ARFGEF2: variants seen among roughly 807,000 people sequenced by gnomAD.
ARFGEF2 encodes ARF guanine nucleotide exchange factor 2, also known as brefeldin A-inhibited guanine nucleotide-exchange protein 2.
A neutral mutation model predicts 219.9 loss-of-function variants in ARFGEF2; 74 were observed. That is an observed-to-expected ratio of 0.34 (90% CI 0.28 to 0.41). The LOEUF (loss-of-function observed/expected upper bound fraction) is 0.41. Ranked by LOEUF, ARFGEF2 falls within the 10% of genes least tolerant of loss-of-function variation. The probability of loss-of-function intolerance (pLI) is 1.00; values close to 1 mark genes in which losing one functional copy is unlikely to be tolerated. For missense variants in ARFGEF2, 1,743 were observed against 2,218.3 expected (o/e 0.79, Z 4.30); for synonymous variants, 733 against 799.2 (o/e 0.92, Z 1.40).
At chr20:49,006,498 T>C (rs895786979) in intron 26 of ARFGEF2, among the ~76,000 whole-genome samples, 5 of 152,124 alleles carry the variant, frequency 3.3e-5, no homozygotes, top group African/African-American at 9.7e-5. Flanking sequence ...GTGGTGGTAA[T>C]GGGCTCTGAA....
intron 14 of ARFGEF2, among the ~76,000 whole-genome samples, chr20:48,982,550 A>G (rs2091302995): frequency 6.6e-6 from 1 of 152,190 alleles, no homozygotes; most frequent in Admixed American, 6.5e-5. Flanking sequence ...GGGATGTTTA[A>G]GTCTGCAGAA....
intron 33 of ARFGEF2, among the ~76,000 whole-genome samples, chr20:49,018,284 G>T (rs557312242): frequency 6.6e-6 from 1 of 152,224 alleles, no homozygotes; most frequent in East Asian, 1.9e-4. Context: ...CCAGGCTGGA[G>T]TGCAGCAGTG....
intron 14 of ARFGEF2, 130 bp downstream of exon 14, chr20:48,976,329 G>GA: frequency 8.9e-7 from 1 of 1,128,316 alleles, no homozygotes; most frequent in Non-Finnish European, 1.3e-6. Flanking sequence ...AGCTAAGCCT[G>GA]ATTGAGCCAG....
chr20:48,933,122 C>T (rs778195713), intron 1 of ARFGEF2, among the ~76,000 whole-genome samples: 5 of 152,170 alleles, frequency 3.3e-5, no homozygotes, highest in Admixed American at 6.5e-5. Context: ...GCAAAGACAG[C>T]GCGGCTTTTC....
Position 48,941,944 on chromosome 20 carries a change from C to T in ARFGEF2, c.233C>T (p.Ser78Phe). The T allele has an allele frequency of 6.2e-7, 1 of 1,614,178 alleles. No individual in the cohort carries two copies. The highest frequency in any genetic ancestry group is 1.1e-5 in the South Asian group (1 of 91,082). Residue 78 changes from serine to phenylalanine, a missense_variant, in exon 3 of 39, where the codon TCC (serine) becomes TTC (phenylalanine). Ser to Phe is a radical substitution (Grantham distance 155, BLOSUM62 -2). Around this residue, in one of 5 missense-constraint regions of ARFGEF2, gnomAD observed 394 missense variants for 426.6 expected, o/e 0.92. Coordinates refer to ENST00000371917, the MANE Select transcript of ARFGEF2 (RefSeq NM_006420.3). ...CTTCCATTCGAGCTAGCTTGCCAGTCCAAGTCCCCAAGGGTAGTCAGCACA... is the reference window on the plus strand; with the variant it reads ...CTTCCATTCGAGCTAGCTTGCCAGTTCAAGTCCCCAAGGGTAGTCAGCACA... Reference protein sequence around the residue: ...YFLPFELACQSKSPRVVSTSL... With the variant: ...YFLPFELACQFKSPRVVSTSL...
chr20:48,988,847 TGAG>T (rs1396936826), intron 18 of ARFGEF2, among the ~76,000 whole-genome samples, 185 bp downstream of exon 18: 2 of 152,248 alleles, frequency 1.3e-5, no homozygotes, highest in Non-Finnish European at 2.9e-5. Context: ...AGATTTCTGA[TGAG>T]GAGCAAGAAG....
In ARFGEF2 at chr20:48,973,128, G is replaced by A. The variant is rs543247648; in HGVS notation, c.1526-17G>A. ...TATTTGATCAGAATTTCTGATACTT[G>A]TATGTTATTTTCCAAGATGCCCAGT... is the stretch of plus-strand genomic sequence containing the variant. On this transcript the variant is annotated splice_polypyrimidine_tract_variant and intron_variant, in intron 11 of 38. Coordinates refer to ENST00000371917, the MANE Select transcript of ARFGEF2 (RefSeq NM_006420.3). 1.2e-6 allele frequency: 2 copies of A among 1,613,932 alleles called. No individual in the cohort carries two copies. The highest frequency in any genetic ancestry group is 1.1e-5 in the South Asian group (1 of 91,074).
intron 16 of ARFGEF2, among the ~76,000 whole-genome samples, chr20:48,988,093 A>G (rs2091336563): frequency 6.6e-6 from 1 of 152,178 alleles, no homozygotes; most frequent in African/African-American, 2.4e-5. Context: ...CTGCCAAAGA[A>G]GCTAAAATTT....
chr20:48,998,511 T>C lies in ARFGEF2; in HGVS notation c.3432+6T>C. 6.2e-7 allele frequency: 1 copy of C among 1,608,596 alleles called. No individual in the cohort carries two copies. The highest frequency in any genetic ancestry group is 8.5e-7 in the Non-Finnish European group (1 of 1,178,842). On this transcript the variant is annotated splice_donor_region_variant and intron_variant, in intron 25 of 38. Transcript: ENST00000371917. ...TTGGAGATCACTTCAATAAGGTAAC[T>C]CTTCAAATTTAAAAACCATTCCTGT...
At chr20:48,950,814 ATATATATATATATATATAT>A (rs2091065166) in intron 3 of ARFGEF2, among the ~76,000 whole-genome samples, 1 of 50,878 alleles carries the variant, frequency 2.0e-5, no homozygotes, top group Non-Finnish European at 3.4e-5. Context: ...AAAAAAAAAT[ATATATATATATATATATAT>A]ATATATATAT....
intron 8 of ARFGEF2, among the ~76,000 whole-genome samples, chr20:48,968,805 G>A (rs1233133121): frequency 6.6e-6 from 1 of 152,106 alleles, no homozygotes; most frequent in Non-Finnish European, 1.5e-5. Context: ...AAGGAACAAG[G>A]TTGTAGAATT....
At chr20:49,022,800 C>A (rs1368238393) in intron 34 of ARFGEF2, among the ~76,000 whole-genome samples, 2 of 151,600 alleles carry the variant, frequency 1.3e-5, no homozygotes, top group African/African-American at 2.4e-5. Context: ...CCAGTTTATT[C>A]ATTGCTGTGC....
At chr20:48,969,594 G>A (rs1279382354) in intron 9 of ARFGEF2, among the ~76,000 whole-genome samples, 1 of 152,210 alleles carries the variant, frequency 6.6e-6, no homozygotes, top group Admixed American at 6.5e-5. Context: ...TTGATGTGGG[G>A]TGTGGAGGGA....
intron 7 of ARFGEF2, 63 bp from the exon 8 acceptor site, chr20:48,965,809 C>A: frequency 6.3e-7 from 1 of 1,598,818 alleles, no homozygotes; most frequent in Non-Finnish European, 8.6e-7. Flanking sequence ...TTTTTGGTGT[C>A]AGGCAGCCCT....
At chr20:48,985,291 C>A in intron 15 of ARFGEF2, 117 bp from the exon 16 acceptor site, 2 of 1,089,258 alleles carry the variant, frequency 1.8e-6, no homozygotes, top group South Asian at 1.3e-5. Context: ...TTTTACCAGT[C>A]CAGCCTATTC....
intron 6 of ARFGEF2, among the ~76,000 whole-genome samples, chr20:48,962,313 G>A (rs1288316040): frequency 2.6e-5 from 4 of 152,186 alleles, no homozygotes; most frequent in Admixed American, 1.3e-4. Flanking sequence ...GTTCACACCA[G>A]CATCACCACG....
At chr20:49,004,276 A>C (rs2091442731) in intron 25 of ARFGEF2, among the ~76,000 whole-genome samples, 1 of 151,910 alleles carries the variant, frequency 6.6e-6, no homozygotes, top group Non-Finnish European at 1.5e-5. Context: ...AGGCAGGAGA[A>C]TCGCTTAAAC....
intron 25 of ARFGEF2, among the ~76,000 whole-genome samples, chr20:48,998,824 G>T (rs535889903): frequency 2.6e-4 from 40 of 152,330 alleles, no homozygotes; most frequent in African/African-American, 8.9e-4. Flanking sequence ...ATGAAATCCA[G>T]AAAGGCCTTT....
chr20:49,030,263 A>G (rs1359289725), intron 37 of ARFGEF2, among the ~76,000 whole-genome samples: 1 of 152,130 alleles, frequency 6.6e-6, no homozygotes, highest in Non-Finnish European at 1.5e-5. Context: ...TCATAATACA[A>G]TAATTTTTAC....
Sources: gnomAD v4.1 joint callset for allele counts (sites outside exome capture counted in the v4.1 genomes callset) on GRCh38, gnomAD v4.1.1 for gene constraint, gnomAD v4.1.1 regional missense constraint, MANE v1.5 for transcripts, NCBI Gene and HGNC (gene_info 2026-07-23, HGNC 2026-07-21) for gene names.